Variants in CDC27 observed in about 807,000 individuals in gnomAD.
CDC27 encodes the protein cell division cycle protein 27 homolog.
In CDC27, 27 loss-of-function variants were observed where a neutral mutation model predicts 109.7. That is an observed-to-expected ratio of 0.25 (90% confidence interval 0.18 to 0.34). The LOEUF (loss-of-function observed/expected upper bound fraction) is 0.34. Ranked by LOEUF, CDC27 falls within the 10% of genes least tolerant of loss-of-function variation. CDC27 has a pLI of 1.00. For synonymous variants in CDC27, 266 were observed against 333.9 expected (o/e 0.80, Z 2.22); for missense variants, 579 against 960.2 (o/e 0.60, Z 5.25).
chr17:47,129,719 T>A (rs1386363889), intron 15 of CDC27, among the ~76,000 whole-genome samples, 198 bp from the exon 16 acceptor site: 2 of 152,222 alleles, frequency 1.3e-5, no homozygotes, highest in East Asian at 3.8e-4. Context: ...TCACTTCTAA[T>A]TCTAGTTCAA....
At chr17:47,159,580 G>A (rs890274858) in intron 4 of CDC27, 12 of 472,066 alleles carry the variant, frequency 2.5e-5, no homozygotes, top group South Asian at 1.6e-4. Context: ...CTCTGCGCAC[G>A]GGGACAATCG....
At chr17:47,160,858 C>T (rs2063477703) in intron 4 of CDC27, among the ~76,000 whole-genome samples, 2 of 152,106 alleles carry the variant, frequency 1.3e-5, no homozygotes, top group African/African-American at 2.4e-5. Flanking sequence ...GCCAAATTTT[C>T]AAGTGAGTAA....
intron 16 of CDC27, among the ~76,000 whole-genome samples, chr17:47,127,647 C>T (rs1360852946): frequency 6.6e-6 from 1 of 151,970 alleles, no homozygotes; most frequent in Non-Finnish European, 1.5e-5. Context: ...GTGATCTGCC[C>T]GCCCCAGCCT....
At chr17:47,133,052 C>T (rs75967626) in intron 14 of CDC27, among the ~76,000 whole-genome samples, 15,359 of 69,862 alleles carry the variant, frequency 0.22, 2,013 homozygotes, top group South Asian at 0.34. Context: ...CACACACACA[C>T]ACATACATAT....
At position 47,120,751 on chromosome 17, in the gene CDC27, C is replaced by T; in HGVS notation, c.*184G>A. 4.0e-6 allele frequency: 2 copies of T among 499,638 alleles called. No individual in the cohort carries two copies. The highest frequency in any genetic ancestry group is 7.2e-6 in the Non-Finnish European group (2 of 278,570). 31.0% of individuals were successfully genotyped at this position (499,638 alleles called of 1,614,324 possible). On this transcript the variant is annotated 3_prime_UTR_variant, in exon 19 of 19. Transcript: ENST00000066544. ...CTGGTAAAAGAGCCAGTCTTGTTAGCAGCTAAATATTGCACTGCCTTTCAT... is the reference window on the plus strand; with the variant it reads ...CTGGTAAAAGAGCCAGTCTTGTTAGTAGCTAAATATTGCACTGCCTTTCAT...
At chr17:47,181,533 CA>C in intron 2 of CDC27, 28 bp downstream of exon 2, 3 of 1,246,198 alleles carry the variant, frequency 2.4e-6, no homozygotes, top group Non-Finnish European at 3.5e-6. Context: ...ATTCATTTAT[CA>C]TTCTACAGCA....
At chr17:47,181,404 G>A (rs1339710931) in intron 2 of CDC27, 158 bp downstream of exon 2, 1 of 440,452 alleles carries the variant, frequency 2.3e-6, no homozygotes, top group Non-Finnish European at 4.1e-6. Context: ...AGTATGTAAG[G>A]GAACTACACA....
At chr17:47,132,839 G>A (rs1307854866) in intron 14 of CDC27, among the ~76,000 whole-genome samples, 1 of 142,236 alleles carries the variant, frequency 7.0e-6, no homozygotes, top group South Asian at 2.2e-4. Flanking sequence ...GCTCAATCAC[G>A]GCTCACTGCA....
At chr17:47,126,495 C>T (rs914635799) in intron 16 of CDC27, among the ~76,000 whole-genome samples, 7 of 152,082 alleles carry the variant, frequency 4.6e-5, no homozygotes, top group African/African-American at 1.4e-4. Context: ...GATTGGAAGG[C>T]TGCCTAATTA....
chr17:47,128,239 C>T (rs1281463548), intron 16 of CDC27, among the ~76,000 whole-genome samples: 1 of 152,132 alleles, frequency 6.6e-6, no homozygotes, highest in African/African-American at 2.4e-5. Flanking sequence ...CCCTGTTGGC[C>T]AGGCTGGTCT....
At chr17:47,156,208 G>A (rs1050978866) in intron 7 of CDC27, among the ~76,000 whole-genome samples, 9 of 151,934 alleles carry the variant, frequency 5.9e-5, no homozygotes, top group African/African-American at 2.2e-4. Flanking sequence ...ACACCATCTC[G>A]GCTCACTGCA....
intron 8 of CDC27, among the ~76,000 whole-genome samples, chr17:47,154,359 T>C (rs2063236416): frequency 6.6e-6 from 1 of 152,194 alleles, no homozygotes; most frequent in East Asian, 1.9e-4. Context: ...ACAATATTAA[T>C]TTTGTTTTTT....
chr17:47,153,122 C>T (rs1431365094), intron 8 of CDC27, among the ~76,000 whole-genome samples: 2 of 152,156 alleles, frequency 1.3e-5, no homozygotes, highest in Non-Finnish European at 1.5e-5. Context: ...CTGGCTTTTC[C>T]TTATTTATCA....
chr17:47,156,206 T>A (rs1159031623), intron 7 of CDC27, among the ~76,000 whole-genome samples: 1 of 152,088 alleles, frequency 6.6e-6, no homozygotes, highest in Non-Finnish European at 1.5e-5. Flanking sequence ...TGACACCATC[T>A]CGGCTCACTG....
At chr17:47,138,193 C>T (rs917284802) in intron 13 of CDC27, among the ~76,000 whole-genome samples, 5 of 152,154 alleles carry the variant, frequency 3.3e-5, no homozygotes, top group African/African-American at 1.2e-4. Context: ...CTGTTTCAAA[C>T]TCTCCATCAC....
chr17:47,123,344 C>T (rs2062031220), intron 17 of CDC27, among the ~76,000 whole-genome samples: 1 of 151,898 alleles, frequency 6.6e-6, no homozygotes, highest in African/African-American at 2.4e-5. Flanking sequence ...CTCTCAGAAG[C>T]CATTTCTCTT....
At chr17:47,169,303 A>G (rs565858046) in intron 4 of CDC27, among the ~76,000 whole-genome samples, 34 of 151,982 alleles carry the variant, frequency 2.2e-4, no homozygotes, top group Admixed American at 1.2e-3. Context: ...CTTTTCTTCT[A>G]TCTCCTCAGT....
chr17:47,132,940 ATTTTTGTAT>A (rs2062398221), intron 14 of CDC27, among the ~76,000 whole-genome samples: 1 of 124,748 alleles, frequency 8.0e-6, no homozygotes, highest in East Asian at 2.4e-4. Context: ...GGCATGGCTA[ATTTTTGTAT>A]TTTTTGTAGA....
intron 14 of CDC27, among the ~76,000 whole-genome samples, chr17:47,133,134 TATA>T (rs1484389599): frequency 6.2e-4 from 71 of 113,858 alleles, no homozygotes; most frequent in African/African-American, 2.2e-3. Flanking sequence ...TATATATATA[TATA>T]ATATATATGT....
Sources: allele counts gnomAD v4.1 joint callset (sites outside exome capture counted in the v4.1 genomes callset), GRCh38; gene constraint gnomAD v4.1.1; transcripts MANE v1.5; gene names NCBI Gene and HGNC (gene_info 2026-07-23, HGNC 2026-07-21).